The following FAAP20 variants were observed in gnomAD, a reference collection of about 807,000 sequenced individuals.
FAAP20 encodes the protein Fanconi anemia core complex-associated protein 20.
A neutral mutation model predicts 16.2 loss-of-function variants in FAAP20; 12 were observed. The observed-to-expected ratio is 0.74, with a 90% CI of 0.48 to 1.20. FAAP20 has a LOEUF of 1.20. Ranked by LOEUF, FAAP20 falls within the 50% of genes most tolerant of loss-of-function variation. FAAP20 has a pLI of 0.00. For missense variants in FAAP20, 288 were observed against 245.8 expected (o/e 1.17, Z -1.15); for synonymous variants, 141 against 110.7 (o/e 1.27, Z -1.72).
downstream of FAAP20, chr1:2,184,732 C>T (rs1687302706): frequency 1.3e-6 from 2 of 1,586,638 alleles, no homozygotes; most frequent in Admixed American, 1.8e-5. Context: ...CCTGGAGCAC[C>T]CCTCGGGCAG....
downstream of FAAP20, among the ~76,000 whole-genome samples, chr1:2,210,551 A>C (rs1689409696): frequency 6.6e-6 from 1 of 152,062 alleles, no homozygotes; most frequent in Non-Finnish European, 1.5e-5. Context: ...GCAACCCCCC[A>C]GGTAAGGGGG....
downstream of FAAP20, among the ~76,000 whole-genome samples, chr1:2,208,080 G>T (rs897009528): frequency 6.6e-6 from 1 of 152,170 alleles, no homozygotes; most frequent in African/African-American, 2.4e-5. Flanking sequence ...TGGATGCAGG[G>T]TGTTTTCTGC....
chr1:2,194,736 C>T lies in FAAP20; in HGVS notation c.14G>A (p.Arg5Gln), dbSNP rs1276305102. MEAA[R>Q]RPRLGLSRRR... ...GCGGCTCAACCCCAGCCGCGGCCTC[C>T]GCGCCGCCTCCATCCAAGCCCGCGC... is the stretch of plus-strand genomic sequence containing the variant. The change falls in exon 1 of 4, where the codon CGG becomes CAG. Residue 5 changes from arginine to glutamine, a missense_variant. Arg to Gln is a conservative substitution (Grantham distance 43, BLOSUM62 1). Coordinates refer to ENST00000378546, the MANE Select transcript of FAAP20 (RefSeq NM_182533.4). 2 of 1,195,602 alleles carry T rather than the reference C, an allele frequency of 1.7e-6. No individual in the cohort carries two copies. The highest frequency in any genetic ancestry group is 1.6e-5 in the African/African-American group (1 of 62,156). 74.1% of individuals were successfully genotyped at this position (1,195,602 alleles called of 1,614,324 possible).
At chr1:2,196,713 A>C (rs1469698510), upstream of FAAP20, among the ~76,000 whole-genome samples, 1 of 152,006 alleles carries the variant, frequency 6.6e-6, no homozygotes, top group Non-Finnish European at 1.5e-5. This position sits in a 1 kb window ranked among gnomAD's most constrained non-coding sequence, Gnocchi z 4.5. Context: ...GGTGGTGCAC[A>C]CCTTTAATCC....
chr1:2,196,829 G>A (rs1167342171), upstream of FAAP20, among the ~76,000 whole-genome samples: 1 of 152,112 alleles, frequency 6.6e-6, no homozygotes, highest in Non-Finnish European at 1.5e-5. This position sits in a 1 kb window ranked among gnomAD's most constrained non-coding sequence, Gnocchi z 4.5. Flanking sequence ...ATCACAGCAA[G>A]ACTCTGTCTC....
At chr1:2,211,261 C>G (rs1689427340), downstream of FAAP20, among the ~76,000 whole-genome samples, 2 of 126,548 alleles carry the variant, frequency 1.6e-5, no homozygotes, top group Admixed American at 8.6e-5. Context: ...CGGAGTTTCG[C>G]TCTTGTTGCC....
chr1:2,211,900 CTTT>C (rs60874812), downstream of FAAP20, among the ~76,000 whole-genome samples: 15 of 99,008 alleles, frequency 1.5e-4, no homozygotes, highest in Admixed American at 2.2e-4. Flanking sequence ...CAAGCTGCTG[CTTT>C]TTTTTTTTTT....
At chr1:2,192,000 C>A in intron 3 of FAAP20, 1 of 985,538 alleles carries the variant, frequency 1.0e-6, no homozygotes, top group Non-Finnish European at 1.2e-6. Context: ...AACACCAAGG[C>A]TGTGAGAAAT....
intron 3 of FAAP20, chr1:2,192,509 T>G: frequency 3.0e-6 from 3 of 998,448 alleles, no homozygotes; most frequent in Non-Finnish European, 3.6e-6. Flanking sequence ...AAGCAGGCGA[T>G]GCAAAGACAA....
downstream of FAAP20, among the ~76,000 whole-genome samples, chr1:2,207,944 G>GTGTC (rs1457340407): frequency 1.3e-5 from 2 of 151,666 alleles, no homozygotes; most frequent in African/African-American, 4.8e-5. Context: ...GTGTGTGTGT[G>GTGTC]TGTGTGTGTG....
intron 3 of FAAP20, 79 bp from the exon 4 acceptor site, chr1:2,189,860 C>T (rs1050516192): frequency 7.7e-5 from 84 of 1,088,594 alleles, no homozygotes; most frequent in Non-Finnish European, 1.0e-4. Context: ...ACCTCCGGGC[C>T]CTCTCTGCTC....
chr1:2,203,258 G>A (rs368966940), upstream of FAAP20, among the ~76,000 whole-genome samples: 5 of 152,180 alleles, frequency 3.3e-5, no homozygotes, highest in African/African-American at 4.8e-5. Flanking sequence ...CTAGGATCCC[G>A]ACAGGCCAGA....
At chr1:2,194,857 C>A, upstream of FAAP20, 1 of 1,014,594 alleles carries the variant, frequency 9.9e-7, no homozygotes, top group Non-Finnish European at 1.2e-6. Context: ...CCGCCCCCCT[C>A]CGAGACAGTC....
downstream of FAAP20, among the ~76,000 whole-genome samples, chr1:2,188,381 C>T (rs114425854): frequency 5.2e-3 from 790 of 152,330 alleles, 10 homozygotes; most frequent in African/African-American, 0.018. Context: ...TGATGAGGCC[C>T]TGGAGCCCCC....
At chr1:2,192,904 C>T in intron 3 of FAAP20, 2 of 1,297,806 alleles carry the variant, frequency 1.5e-6, no homozygotes, top group Middle Eastern at 2.2e-4. Context: ...CCGGCCTTTT[C>T]TTTTGTTGTT....
At chr1:2,212,064 A>G (rs262694), downstream of FAAP20, 20,987 of 149,936 alleles carry the variant, frequency 0.14, 43 homozygotes, top group Non-Finnish European at 0.2. Flanking sequence ...CACCACGCCC[A>G]GCTAATTTGT....
chr1:2,208,180 C>T (rs1030621286), downstream of FAAP20, among the ~76,000 whole-genome samples: 3 of 152,014 alleles, frequency 2.0e-5, no homozygotes, highest in Non-Finnish European at 2.9e-5. Context: ...CTGGGCACAA[C>T]GGGCACCTGG....
upstream of FAAP20, among the ~76,000 whole-genome samples, chr1:2,203,080 T>C (rs1217567398): frequency 6.6e-6 from 1 of 152,210 alleles, no homozygotes; most frequent in African/African-American, 2.4e-5. Flanking sequence ...CCATCCCCCT[T>C]CTGCTTTTCT....
At chr1:2,192,802 G>A in intron 3 of FAAP20, 1 of 1,147,352 alleles carries the variant, frequency 8.7e-7, no homozygotes. Context: ...ATCTTGCCAT[G>A]TTGCCCAGGC....
Sources: gnomAD v4.1 joint callset for allele counts (sites outside exome capture counted in the v4.1 genomes callset) on GRCh38, gnomAD v4.1.1 for gene constraint, Gnocchi (gnomAD v3.1) non-coding constraint, MANE v1.5 for transcripts, NCBI Gene and HGNC (gene_info 2026-07-23, HGNC 2026-07-21) for gene names.